The following MAST4 variants were observed in gnomAD, a reference collection of about 807,000 sequenced individuals.
MAST4 encodes microtubule associated serine/threonine kinase family member 4, also known as microtubule-associated serine/threonine-protein kinase 4.
Under a neutral mutation model 162.7 loss-of-function variants are expected in MAST4, and 89 were observed. The observed-to-expected ratio is 0.55, with a 90% CI of 0.46 to 0.65. The LOEUF is 0.65. Ranked by LOEUF, MAST4 falls within the 30% of genes least tolerant of loss-of-function variation. The pLI, the probability that MAST4 is intolerant of heterozygous loss-of-function variation, is 0.00. For synonymous variants in MAST4, 1,479 were observed against 1,361.1 expected, an observed-to-expected ratio of 1.09 and a Z score of -1.91; for missense variants, 3,153 against 3,374.0, an observed-to-expected ratio of 0.93 and a Z score of 1.62.
intron 3 of MAST4, among the ~76,000 whole-genome samples, chr5:66,804,967 T>G (rs1561343294): frequency 6.6e-6 from 1 of 152,192 alleles, no homozygotes; most frequent in African/African-American, 2.4e-5. Flanking sequence ...TAGTTTTGTC[T>G]TCTCTCTCTC....
intron 4 of MAST4, among the ~76,000 whole-genome samples, chr5:66,966,218 C>T (rs1746714446): frequency 6.6e-6 from 1 of 152,196 alleles, no homozygotes; most frequent in Non-Finnish European, 1.5e-5. Flanking sequence ...ACATGTTGCT[C>T]TGAGATCATT....
At chr5:66,788,607 C>CCCAAAAAAAAAA in intron 2 of MAST4, 63 bp from the exon 3 acceptor site, 1 of 1,373,728 alleles carries the variant, frequency 7.3e-7, no homozygotes, top group Non-Finnish European at 1.0e-6. Flanking sequence ...CCCCCACCCC[C>CCCAAAAAAAAAA]ATTGCAATAA....
intron 18 of MAST4, among the ~76,000 whole-genome samples, chr5:67,135,629 A>G (rs1280117978): frequency 1.3e-5 from 2 of 152,228 alleles, no homozygotes; most frequent in Admixed American, 6.5e-5. Context: ...CCTGCAGTGT[A>G]TGACCCCTTT....
intron 12 of MAST4, among the ~76,000 whole-genome samples, chr5:67,116,988 C>A (rs1487273517): frequency 6.6e-6 from 1 of 152,156 alleles, no homozygotes; most frequent in East Asian, 1.9e-4. Flanking sequence ...GCTGTGTGAA[C>A]CTTGACCATC....
intron 4 of MAST4, among the ~76,000 whole-genome samples, chr5:67,011,778 G>A (rs1391534131): frequency 6.6e-6 from 1 of 152,206 alleles, no homozygotes; most frequent in Non-Finnish European, 1.5e-5. Flanking sequence ...AGCTTCTAGT[G>A]TGAAACTTAC....
At chr5:66,708,485 C>G (rs904634231) in intron 1 of MAST4, among the ~76,000 whole-genome samples, 2 of 152,136 alleles carry the variant, frequency 1.3e-5, no homozygotes, top group Non-Finnish European at 2.9e-5. Flanking sequence ...TCTAGGTGAG[C>G]CACTCTGAGC....
intron 1 of MAST4, among the ~76,000 whole-genome samples, chr5:66,617,868 C>A (rs2149402888): frequency 6.6e-6 from 1 of 152,266 alleles, no homozygotes; most frequent in East Asian, 1.9e-4. Flanking sequence ...CTCAGGAAGG[C>A]CAGGAATGCA....
At chr5:66,728,138 A>G (rs1240942724) in intron 1 of MAST4, among the ~76,000 whole-genome samples, 5 of 152,172 alleles carry the variant, frequency 3.3e-5, no homozygotes, top group Non-Finnish European at 5.9e-5. Flanking sequence ...ATAAATGGCT[A>G]CTGTTATTTT....
intron 3 of MAST4, among the ~76,000 whole-genome samples, chr5:66,795,673 C>T (rs141899423): frequency 4.1e-4 from 59 of 142,598 alleles, no homozygotes; most frequent in East Asian, 3.6e-3. Context: ...GTAGATAAAG[C>T]GAATGTGAAA....
At chr5:67,068,272 C>G (rs191853558) in intron 5 of MAST4, among the ~76,000 whole-genome samples, 4 of 152,244 alleles carry the variant, frequency 2.6e-5, no homozygotes, top group Admixed American at 2.6e-4. Flanking sequence ...AAGAAATACT[C>G]GAGACTGGGT....
intron 4 of MAST4, among the ~76,000 whole-genome samples, chr5:66,940,508 A>G (rs1743242984): frequency 6.6e-6 from 1 of 152,142 alleles, no homozygotes; most frequent in Non-Finnish European, 1.5e-5. Context: ...TAGCATCTTC[A>G]TTAGGAGTAA....
At chr5:67,075,749 A>G (rs933381973) in intron 5 of MAST4, among the ~76,000 whole-genome samples, 2 of 152,218 alleles carry the variant, frequency 1.3e-5, no homozygotes, top group Non-Finnish European at 2.9e-5. Context: ...TCCCTTAGGC[A>G]TTATCTCACA....
intron 3 of MAST4, among the ~76,000 whole-genome samples, chr5:66,847,189 A>T (rs76142047): frequency 0.058 from 8,787 of 152,260 alleles, 412 homozygotes; most frequent in South Asian, 0.13. Context: ...CGAGGGGAGC[A>T]TTTGATGTAG....
chr5:66,975,008 T>A (rs2150214677), intron 4 of MAST4, among the ~76,000 whole-genome samples: 1 of 152,262 alleles, frequency 6.6e-6, no homozygotes, highest in South Asian at 2.1e-4. Context: ...AAAAGGAGTC[T>A]TTGCAGATGT....
At chr5:66,813,260 G>A (rs887020464) in intron 3 of MAST4, among the ~76,000 whole-genome samples, 27 of 152,068 alleles carry the variant, frequency 1.8e-4, no homozygotes, top group African/African-American at 5.6e-4. Context: ...AATATGTATC[G>A]CAATTATAGA....
At chr5:66,829,002 A>T (rs1397484974) in intron 3 of MAST4, 1 of 828,268 alleles carries the variant, frequency 1.2e-6, no homozygotes, top group Middle Eastern at 2.2e-4. Flanking sequence ...TAGTATCTAC[A>T]TGGCAACGCT....
chr5:67,110,807 T>C (rs1436229530), intron 11 of MAST4, among the ~76,000 whole-genome samples: 1 of 152,196 alleles, frequency 6.6e-6, no homozygotes, highest in African/African-American at 2.4e-5. Context: ...GCAGATCACC[T>C]GAGGTCAGGA....
chr5:66,597,507 G>A (rs1195873935), intron 1 of MAST4, among the ~76,000 whole-genome samples: 2 of 150,742 alleles, frequency 1.3e-5, no homozygotes, highest in East Asian at 3.9e-4. Flanking sequence ...GGTTTCAGTG[G>A]CGCCAGCCCC....
At chr5:67,002,559 T>C (rs900566381) in intron 4 of MAST4, among the ~76,000 whole-genome samples, 5 of 152,184 alleles carry the variant, frequency 3.3e-5, no homozygotes, top group African/African-American at 1.2e-4. Context: ...AAGAAGCACA[T>C]TGTGGGGTGT....
Sources: allele counts gnomAD v4.1 joint callset (sites outside exome capture counted in the v4.1 genomes callset), GRCh38; gene constraint gnomAD v4.1.1; transcripts MANE v1.5; gene names NCBI Gene and HGNC (gene_info 2026-07-23, HGNC 2026-07-21).